The following DGKI variants were observed in gnomAD, a reference collection of about 807,000 sequenced individuals.
DGKI encodes the protein diacylglycerol kinase iota.
A neutral mutation model predicts 147.5 loss-of-function variants in DGKI; 55 were observed. That is an observed-to-expected ratio of 0.37 (90% CI 0.30 to 0.47). The LOEUF (loss-of-function observed/expected upper bound fraction) is 0.47, where lower values mean the gene tolerates loss of function less well. Ranked by LOEUF, DGKI falls within the 20% of genes least tolerant of loss-of-function variation. DGKI has a pLI of 1.00. For synonymous variants in DGKI, 469 were observed against 477.1 expected, an observed-to-expected ratio of 0.98 and a Z score of 0.22; for missense variants, 1,007 against 1,323.8, an observed-to-expected ratio of 0.76 and a Z score of 3.71.
rs1411821854 is a variant in DGKI, at chr7:137,472,354, GTATATATACATATAATTATTATATGTA to G, written c.2374-2762_2374-2736del. 8.2e-4 allele frequency among the ~76,000 whole-genome samples: 5 copies of G among 6,096 alleles called. No homozygotes were observed. The South Asian group carries it at 0.013, about 16-fold the overall frequency. 4.0% of individuals were successfully genotyped at this position (6,096 alleles called of 152,430 possible). ...GTATATATACATATAATTATTATAT[GTATATATACATATAATTATTATATGTA>G]TATATACATATTATAATTATTATAT... is the stretch of plus-strand genomic sequence containing the variant. On this transcript the variant is annotated intron_variant, in intron 23 of 32. Coordinates refer to ENST00000614521, the MANE Select transcript of DGKI (RefSeq NM_001321708.2).
At chr7:137,675,816 ATAAAGT>A (rs1332977011) in intron 3 of DGKI, among the ~76,000 whole-genome samples, 1 of 152,030 alleles carries the variant, frequency 6.6e-6, no homozygotes, top group Non-Finnish European at 1.5e-5. Context: ...GTTTATTGTT[ATAAAGT>A]TAGAGTCAGT....
At chr7:137,599,942 A>C (rs758031180) in intron 10 of DGKI, 37 bp from the exon 11 acceptor site, 15 of 1,538,274 alleles carry the variant, frequency 9.8e-6, no homozygotes, top group African/African-American at 1.4e-5. Flanking sequence ...CAATAATAGG[A>C]AGAAATTTCC....
At chr7:137,490,764 T>C (rs1815735065) in intron 21 of DGKI, among the ~76,000 whole-genome samples, 1 of 152,212 alleles carries the variant, frequency 6.6e-6, no homozygotes, top group Admixed American at 6.5e-5. Flanking sequence ...TGAGCACCAG[T>C]GTCACTATCC....
intron 27 of DGKI, among the ~76,000 whole-genome samples, chr7:137,447,980 T>G (rs1166190665): frequency 6.6e-6 from 1 of 152,158 alleles, no homozygotes; most frequent in Non-Finnish European, 1.5e-5. Context: ...ATACCCTCTT[T>G]GATTAAACTA....
intron 1 of DGKI, among the ~76,000 whole-genome samples, chr7:137,728,409 G>A (rs532040194): frequency 1.4e-4 from 21 of 152,162 alleles, no homozygotes; most frequent in Admixed American, 5.9e-4. Context: ...AAATTCTATC[G>A]AGAAATGATC....
intron 1 of DGKI, among the ~76,000 whole-genome samples, chr7:137,793,393 C>T (rs181758059): frequency 1.9e-4 from 29 of 152,136 alleles, no homozygotes; most frequent in East Asian, 1.7e-3. Context: ...CTCCACCTCC[C>T]GGGTTCAAGC....
At chr7:137,712,287 C>A (rs544444468) in intron 1 of DGKI, among the ~76,000 whole-genome samples, 11 of 152,104 alleles carry the variant, frequency 7.2e-5, no homozygotes, top group African/African-American at 2.4e-4. Context: ...GGGTTATTAC[C>A]CTTTATAATT....
chr7:137,708,815 T>A (rs1299955185), intron 1 of DGKI, among the ~76,000 whole-genome samples: 1 of 152,172 alleles, frequency 6.6e-6, no homozygotes, highest in Non-Finnish European at 1.5e-5. Context: ...GGAATGATGT[T>A]GATAGGGAAA....
intron 28 of DGKI, among the ~76,000 whole-genome samples, chr7:137,429,686 T>A (rs1291228009): frequency 6.7e-6 from 1 of 149,796 alleles, no homozygotes; most frequent in South Asian, 2.1e-4. Context: ...GAATCTACAA[T>A]GAACTCAAAC....
At chr7:137,467,324 G>C (rs1814698131) in intron 24 of DGKI, among the ~76,000 whole-genome samples, 1 of 152,150 alleles carries the variant, frequency 6.6e-6, no homozygotes. Flanking sequence ...ATAACCATGA[G>C]ACTAAGAGAC....
At chr7:137,509,182 C>T (rs191827821) in intron 21 of DGKI, among the ~76,000 whole-genome samples, 3 of 152,210 alleles carry the variant, frequency 2.0e-5, no homozygotes, top group African/African-American at 7.2e-5. Context: ...CCCACAACAT[C>T]CTCCAGTACT....
intron 8 of DGKI, among the ~76,000 whole-genome samples, chr7:137,615,551 G>C (rs1455982033): frequency 6.6e-6 from 1 of 151,652 alleles, no homozygotes; most frequent in Non-Finnish European, 1.5e-5. Context: ...GTGTGTGTGT[G>C]TGTGTGTGTG....
chr7:137,832,494 G>A (rs1798247379), intron 1 of DGKI, among the ~76,000 whole-genome samples: 1 of 152,230 alleles, frequency 6.6e-6, no homozygotes, highest in Non-Finnish European at 1.5e-5. Flanking sequence ...GCTATACCTT[G>A]GCCCCTTTTA....
intron 1 of DGKI, among the ~76,000 whole-genome samples, chr7:137,808,557 T>A (rs1348806975): frequency 6.6e-6 from 1 of 152,176 alleles, no homozygotes; most frequent in Non-Finnish European, 1.5e-5. Flanking sequence ...ACCAGGCACC[T>A]GCCTCCCCTA....
chr7:137,618,476 C>A (rs965975320), intron 8 of DGKI, among the ~76,000 whole-genome samples: 6 of 150,136 alleles, frequency 4.0e-5, no homozygotes, highest in Non-Finnish European at 7.4e-5. Flanking sequence ...GCCCTCCCCC[C>A]CACTTCATAA....
intron 5 of DGKI, among the ~76,000 whole-genome samples, chr7:137,648,682 C>T (rs988009489): frequency 6.6e-6 from 1 of 152,082 alleles, no homozygotes; most frequent in Admixed American, 6.6e-5. Flanking sequence ...TTAAAACTTA[C>T]GAATTGTTTA....
chr7:137,441,352 C>T (rs1813497579), intron 28 of DGKI, among the ~76,000 whole-genome samples: 1 of 139,248 alleles, frequency 7.2e-6, no homozygotes, highest in African/African-American at 2.7e-5. Flanking sequence ...ACCCGGGAAG[C>T]AGAGCTTGCA....
intron 8 of DGKI, among the ~76,000 whole-genome samples, chr7:137,618,127 C>CCATATATATATATATATATA (rs1416867213): frequency 6.2e-5 from 1 of 16,176 alleles, no homozygotes; most frequent in Non-Finnish European, 3.1e-4. Flanking sequence ...TTCTAAAATA[C>CCATATATATATATATATATA]TATATATATA....
At position 137,388,099 on chromosome 7, in the gene DGKI, GT is replaced by G; in HGVS notation, c.*3120del. ...AAATTATGTTTCAAAACTTGCACTG[GT>G]TTTTGGTTATCACATCTACAGAGGA... On this transcript the variant is annotated 3_prime_UTR_variant, in exon 33 of 33. Transcript: ENST00000614521. 1 of 152,288 alleles carries G rather than the reference GT, an allele frequency of 6.6e-6. No individual in the cohort carries two copies. Among genetic ancestry groups the G allele is most frequent in the Non-Finnish European group, 1.5e-5 (1 of 68,028 alleles). 9.4% of individuals were successfully genotyped at this position (152,288 alleles called of 1,614,324 possible). A position where few individuals can be genotyped will look rare whatever the true frequency, so the allele number is the denominator to read the frequency against.
Sources: allele counts gnomAD v4.1 joint callset (sites outside exome capture counted in the v4.1 genomes callset), GRCh38; gene constraint gnomAD v4.1.1; transcripts MANE v1.5; gene names NCBI Gene and HGNC (gene_info 2026-07-23, HGNC 2026-07-21).